Variants in RPRD1B observed in about 807,000 individuals in gnomAD.
RPRD1B encodes regulation of nuclear pre-mRNA domain-containing protein 1B.
RPRD1B carries 11 observed loss-of-function variants against 41.5 expected under a neutral mutation model. The ratio of observed to expected loss-of-function variants is 0.27; its 90% CI spans 0.17 to 0.44. RPRD1B has a LOEUF of 0.44. RPRD1B is among the 20% of genes least tolerant of loss of function. RPRD1B has a pLI of 1.00. For synonymous variants in RPRD1B, 158 were observed against 155.6 expected, an observed-to-expected ratio of 1.02 and a Z score of -0.12; for missense variants, 248 against 389.9, an observed-to-expected ratio of 0.64 and a Z score of 3.06.
chr20:38,090,094 A>G lies in RPRD1B; in HGVS notation c.*219A>G, dbSNP rs921063590. 1.6e-6 allele frequency: 2 copies of G among 1,270,408 alleles called. No homozygotes were observed. The highest frequency in any genetic ancestry group is 1.5e-5 in the African/African-American group (1 of 67,310). The allele number at this position is 1,270,408 out of a possible 1,614,324, so 78.7% of individuals were successfully genotyped here. A position where few individuals can be genotyped will look rare whatever the true frequency, so the allele number is the denominator to read the frequency against. On this transcript the variant is annotated 3_prime_UTR_variant, in exon 7 of 7. Coordinates refer to ENST00000373433, the MANE Select transcript of RPRD1B (RefSeq NM_021215.4). The stretch of plus-strand genomic sequence containing the variant: ...AATCTGGTTTATATTCATATTTGCA[A>G]AGACTACAGACTTTTTCTCCCACTT...
intron 6 of RPRD1B, among the ~76,000 whole-genome samples, chr20:38,076,800 T>C (rs2074464687): frequency 6.6e-6 from 1 of 151,898 alleles, no homozygotes; most frequent in African/African-American, 2.4e-5. Flanking sequence ...CTGGTTTCTG[T>C]GTACCACCCT....
intron 2 of RPRD1B, among the ~76,000 whole-genome samples, chr20:38,042,434 G>T (rs958151779): frequency 1.3e-5 from 2 of 152,140 alleles, no homozygotes; most frequent in African/African-American, 2.4e-5. Flanking sequence ...GGAAAAGGGG[G>T]TGGGCAACAC....
chr20:38,062,260 A>G (rs1600415088), intron 5 of RPRD1B, among the ~76,000 whole-genome samples: 1 of 151,270 alleles, frequency 6.6e-6, no homozygotes, highest in South Asian at 2.1e-4. Flanking sequence ...TGGTTTCTTC[A>G]CTCCTCCTTG....
At chr20:38,079,718 A>G (rs544760116) in intron 6 of RPRD1B, among the ~76,000 whole-genome samples, 1 of 152,286 alleles carries the variant, frequency 6.6e-6, no homozygotes, top group East Asian at 1.9e-4. Context: ...AGAATAATTT[A>G]TATTCCTTTG....
chr20:38,035,198 A>G (rs1290509935), intron 1 of RPRD1B, among the ~76,000 whole-genome samples: 2 of 152,190 alleles, frequency 1.3e-5, no homozygotes, highest in African/African-American at 4.8e-5. Context: ...ACTGTGAGGC[A>G]TGGTCTTTAC....
intron 6 of RPRD1B, among the ~76,000 whole-genome samples, chr20:38,086,397 T>C (rs1037498809): frequency 2.0e-5 from 3 of 152,228 alleles, no homozygotes; most frequent in Non-Finnish European, 4.4e-5. Flanking sequence ...TTAAAGGCAA[T>C]TGCTGCCTGT....
intron 3 of RPRD1B, among the ~76,000 whole-genome samples, chr20:38,054,076 G>A (rs6068623): frequency 0.21 from 31,412 of 152,076 alleles, 3,615 homozygotes; most frequent in African/African-American, 0.32. Flanking sequence ...TTGCTGATAA[G>A]AGGCTGTGTA....
At position 38,091,631 on chromosome 20, in the gene RPRD1B, C is replaced by CT; in HGVS notation, c.*1757dup. 4.1e-6 allele frequency: 4 copies of CT among 985,682 alleles called. No homozygotes were observed. The highest frequency in any genetic ancestry group is 4.8e-6 in the Non-Finnish European group (4 of 830,134). The allele number at this position is 985,682 out of a possible 1,614,324, so 61.1% of individuals were successfully genotyped here. A position where few individuals can be genotyped will look rare whatever the true frequency, so the allele number is the denominator to read the frequency against. ...TTGCTGCTGCTGCACTCCCCAACCT[C>CT]TCCCCCACCCCCCGTGGTGTGCTGC... On this transcript the variant is annotated 3_prime_UTR_variant, in exon 7 of 7. Transcript: ENST00000373433.
chr20:38,037,683 A>C (rs1262537292), intron 1 of RPRD1B, among the ~76,000 whole-genome samples: 2 of 152,160 alleles, frequency 1.3e-5, no homozygotes, highest in Admixed American at 1.3e-4. Flanking sequence ...ATGGAGGGAT[A>C]CAGTTTATCC....
At chr20:38,035,181 A>G (rs2073986798) in intron 1 of RPRD1B, among the ~76,000 whole-genome samples, 1 of 152,146 alleles carries the variant, frequency 6.6e-6, no homozygotes, top group Admixed American at 6.5e-5. Flanking sequence ...GAGACTTTTG[A>G]TTACTCACTG....
chr20:38,034,837 C>G (rs138881239), intron 1 of RPRD1B, among the ~76,000 whole-genome samples: 1 of 152,352 alleles, frequency 6.6e-6, no homozygotes, highest in Admixed American at 6.5e-5. Context: ...GGCTTGGACA[C>G]TTGCAGCATG....
In RPRD1B at chr20:38,090,833, C is replaced by T; in HGVS notation, c.*958C>T. On this transcript the variant is annotated 3_prime_UTR_variant, in exon 7 of 7. Transcript: ENST00000373433. ...TTTAATCCGCTGTCTGGGTGCATGTCCACAGTACGGTGGCTAAACTCGAAC... is the reference window on the plus strand; with the variant it reads ...TTTAATCCGCTGTCTGGGTGCATGTTCACAGTACGGTGGCTAAACTCGAAC... 1 of 985,464 alleles carries T rather than the reference C, an allele frequency of 1.0e-6. No individual in the cohort carries two copies. The highest frequency in any genetic ancestry group is 1.7e-5 in the African/African-American group (1 of 57,356). 61.0% of individuals were successfully genotyped at this position (985,464 alleles called of 1,614,324 possible).
chr20:38,080,979 A>T lies in RPRD1B; in HGVS notation c.832-8747A>T, dbSNP rs1251986443. Among the ~76,000 whole-genome samples the T allele has an allele frequency of 2.6e-5, 4 of 152,104 alleles. No individual in the cohort carries two copies. The South Asian group carries it at 8.3e-4, about 31-fold the overall frequency. The stretch of plus-strand genomic sequence containing the variant: ...CTGGGCTTTGTTCTTTTTGCTTAGG[A>T]TTGCTTTGGCTATTTGGGCTTTTTA... On this transcript the variant is annotated intron_variant, in intron 6 of 6. Coordinates refer to ENST00000373433, the MANE Select transcript of RPRD1B (RefSeq NM_021215.4).
chr20:38,056,661 T>C (rs920567564), intron 3 of RPRD1B, among the ~76,000 whole-genome samples: 5 of 152,208 alleles, frequency 3.3e-5, no homozygotes, highest in African/African-American at 1.2e-4. Context: ...CGTAAGTGTG[T>C]CATTTAACCT....
intron 2 of RPRD1B, among the ~76,000 whole-genome samples, chr20:38,043,855 T>C (rs1338033239): frequency 1.3e-5 from 2 of 152,260 alleles, no homozygotes; most frequent in Non-Finnish European, 1.5e-5. Context: ...ATCACGAGTT[T>C]TGTTTTGGCC....
chr20:38,077,649 C>T (rs926946491), intron 6 of RPRD1B, among the ~76,000 whole-genome samples: 1 of 152,116 alleles, frequency 6.6e-6, no homozygotes, highest in African/African-American at 2.4e-5. Context: ...CATGAATCTG[C>T]CTCCCTTCTC....
At chr20:38,048,613 A>G in intron 3 of RPRD1B, 132 bp downstream of exon 3, 2 of 1,444,514 alleles carry the variant, frequency 1.4e-6, no homozygotes, top group Non-Finnish European at 1.8e-6. Flanking sequence ...ATGATCATGA[A>G]TGATGGTGAG....
intron 1 of RPRD1B, among the ~76,000 whole-genome samples, chr20:38,039,847 C>T (rs2074046647): frequency 6.6e-6 from 1 of 151,792 alleles, no homozygotes; most frequent in South Asian, 2.1e-4. Flanking sequence ...GATTCTCCTG[C>T]CTCAGCCTCC....
Position 38,059,569 on chromosome 20 carries a change from G to A in RPRD1B, c.655+49G>A. On this transcript the variant is annotated intron_variant, in intron 5 of 6. Transcript: ENST00000373433. ...AAGGTGAGGAGAGAGGGACATAACTGTAATGCAGTAACCCTAGGCCATACT... is the reference window on the plus strand; with the variant it reads ...AAGGTGAGGAGAGAGGGACATAACTATAATGCAGTAACCCTAGGCCATACT... 3 of 1,589,864 alleles carry A rather than the reference G, an allele frequency of 1.9e-6. 1 individual carries two copies. The highest frequency in any genetic ancestry group is 8.6e-7 in the Non-Finnish European group (1 of 1,161,876).
Sources: allele counts gnomAD v4.1 joint callset (sites outside exome capture counted in the v4.1 genomes callset), GRCh38; gene constraint gnomAD v4.1.1; transcripts MANE v1.5; gene names NCBI Gene and HGNC (gene_info 2026-07-23, HGNC 2026-07-21).